UNC13C: variants seen among roughly 807,000 people sequenced by gnomAD.
The protein encoded by UNC13C is unc-13 homolog C.
UNC13C carries 174 observed loss-of-function variants against 245.4 expected under a neutral mutation model. The observed-to-expected ratio is 0.71, with a 90% confidence interval of 0.63 to 0.80. The LOEUF is 0.80. Ranked by LOEUF, UNC13C falls within the 30% of genes least tolerant of loss-of-function variation. The probability of loss-of-function intolerance (pLI) is 0.00; values close to 1 mark genes in which losing one functional copy is unlikely to be tolerated. For synonymous variants in UNC13C, 992 were observed against 895.1 expected (o/e 1.11, Z -1.93); for missense variants, 2,829 against 2,602.9 (o/e 1.09, Z -1.89).
rs368599329 is a variant in UNC13C, at chr15:54,014,700, C to G, written c.1797C>G (p.Asp599Glu). Reference protein sequence around the residue: ...RKQEGTATLYDSPKDQHLNGG... With the variant: ...RKQEGTATLYESPKDQHLNGG... ...AGGAAGGAACAGCGACCCTGTATGA[C>G]AGTCCCAAGGACCAGCATTTGAATG... The change falls in exon 2 of 33, where the codon GAC becomes GAG. Residue 599 changes from aspartate (D) to glutamate (E), a missense_variant. Coordinates refer to ENST00000260323, the MANE Select transcript of UNC13C (RefSeq NM_001080534.3). 138 of 1,613,678 alleles carry G rather than the reference C, an allele frequency of 8.6e-5. No homozygotes were observed. Among genetic ancestry groups the G allele is most frequent in the Non-Finnish European group, 1.2e-4 (136 of 1,179,864 alleles).
intron 10 of UNC13C, among the ~76,000 whole-genome samples, chr15:54,286,393 A>G (rs2140924996): frequency 6.6e-6 from 1 of 152,306 alleles, no homozygotes; most frequent in African/African-American, 2.4e-5. Flanking sequence ...GATCTAGCCC[A>G]ACTATAAGTG....
intron 17 of UNC13C, among the ~76,000 whole-genome samples, chr15:54,361,716 A>C (rs1157893767): frequency 6.6e-6 from 1 of 152,200 alleles, no homozygotes; most frequent in African/African-American, 2.4e-5. Flanking sequence ...CTAGAACTAA[A>C]ACACTGCACT....
chr15:53,963,990 C>G, the UNC13C span, among the ~76,000 whole-genome samples: 2 of 152,088 alleles, frequency 1.3e-5, no homozygotes, highest in African/African-American at 4.8e-5. Flanking sequence ...TGGGGAAGAA[C>G]ACATATTTTG....
intron 2 of UNC13C, among the ~76,000 whole-genome samples, chr15:54,076,112 T>TATA (rs112819953): frequency 3.1e-5 from 4 of 129,626 alleles, no homozygotes; most frequent in African/African-American, 1.1e-4. Context: ...TATATATATA[T>TATA]TTTTTTTTAT....
Position 54,015,824 on chromosome 15 carries a change from A to C in UNC13C, c.2921A>C (p.Glu974Ala). 1 of 1,610,696 alleles carries C rather than the reference A, an allele frequency of 6.2e-7. No individual in the cohort carries two copies. Among genetic ancestry groups the C allele is most frequent in the Non-Finnish European group, 8.5e-7 (1 of 1,178,370 alleles). Residue 974 changes from glutamate to alanine, a missense_variant, in exon 2 of 33, where the codon GAA becomes GCA. Physicochemically the swap from Glu to Ala is moderately radical, Grantham distance 107. Coordinates refer to ENST00000260323, the MANE Select transcript of UNC13C (RefSeq NM_001080534.3). ...AAGAGAATTCGTCCTTCTTTCAAAG[A>C]AGCAGCTTTAAGGGCCTATAAAAAG... is the stretch of plus-strand genomic sequence containing the variant. ...KPKRIRPSFK[E>A]AALRAYKKQM...
At chr15:54,096,538 T>C (rs543880740) in intron 2 of UNC13C, among the ~76,000 whole-genome samples, 4 of 152,334 alleles carry the variant, frequency 2.6e-5, no homozygotes, top group East Asian at 1.9e-4. Context: ...TTCTTCAATA[T>C]GGATTATGCC....
intron 1 of UNC13C, among the ~76,000 whole-genome samples, chr15:53,996,771 A>G (rs182659673): frequency 2.6e-4 from 40 of 151,120 alleles, no homozygotes; most frequent in Non-Finnish European, 4.4e-5. Context: ...TATGAATGTC[A>G]CATGCAGTAG....
intron 4 of UNC13C, among the ~76,000 whole-genome samples, chr15:54,165,566 A>G (rs1436756419): frequency 6.6e-6 from 1 of 152,170 alleles, no homozygotes; most frequent in Admixed American, 6.5e-5. Context: ...TAGTTCTTAC[A>G]TCAACAAATA....
At chr15:54,379,937 A>G (rs537322879) in intron 17 of UNC13C, among the ~76,000 whole-genome samples, 13 of 152,290 alleles carry the variant, frequency 8.5e-5, no homozygotes, top group African/African-American at 2.2e-4. Flanking sequence ...AAATGACTCA[A>G]TCTAGCTAAT....
chr15:54,169,614 C>T (rs992085753), intron 4 of UNC13C, among the ~76,000 whole-genome samples: 1 of 152,174 alleles, frequency 6.6e-6, no homozygotes, highest in South Asian at 2.1e-4. Context: ...CTCTTTCCTT[C>T]CTTTGCTGCA....
At chr15:53,915,144 CA>C in the UNC13C span, among the ~76,000 whole-genome samples, 3 of 152,160 alleles carry the variant, frequency 2.0e-5, no homozygotes, top group Non-Finnish European at 4.4e-5. Flanking sequence ...CCTGCTTTGG[CA>C]AAACTGCCAC....
chr15:54,027,349 A>G (rs1896155081), intron 2 of UNC13C, among the ~76,000 whole-genome samples: 3 of 152,094 alleles, frequency 2.0e-5, no homozygotes. Context: ...ATGTCAAACA[A>G]GATATCCTGT....
intron 2 of UNC13C, chr15:54,048,634 T>C (rs1282191869): frequency 5.5e-6 from 2 of 364,362 alleles, no homozygotes; most frequent in Non-Finnish European, 1.1e-5. Context: ...ATATTTTGAT[T>C]AGCAACTGCC....
chr15:54,544,096 C>T (rs905408923), intron 26 of UNC13C, among the ~76,000 whole-genome samples: 1 of 152,150 alleles, frequency 6.6e-6, no homozygotes, highest in Non-Finnish European at 1.5e-5. Flanking sequence ...GCTTATCTAC[C>T]ATGATCAAAT....
intron 4 of UNC13C, among the ~76,000 whole-genome samples, chr15:54,225,267 C>T (rs1004456855): frequency 2.6e-5 from 4 of 151,626 alleles, no homozygotes; most frequent in East Asian, 1.9e-4. Flanking sequence ...TTGTTCTTTT[C>T]GCTTAGGATA....
At chr15:54,496,932 A>G (rs941819438) in intron 20 of UNC13C, among the ~76,000 whole-genome samples, 15 of 152,152 alleles carry the variant, frequency 9.9e-5, no homozygotes, top group African/African-American at 3.6e-4. Flanking sequence ...TTATTCATGT[A>G]ACCAAACACC....
At chr15:53,919,964 GTTTT>G in the UNC13C span, among the ~76,000 whole-genome samples, 1 of 147,972 alleles carries the variant, frequency 6.8e-6, no homozygotes, top group African/African-American at 2.5e-5. Flanking sequence ...TCCTATCCAT[GTTTT>G]TTTTTTCCAA....
chr15:54,015,607 A>G lies in UNC13C; in HGVS notation c.2704A>G (p.Met902Val). The G allele has an allele frequency of 1.2e-6, 2 of 1,613,830 alleles. No individual in the cohort carries two copies. Among genetic ancestry groups the G allele is most frequent in the South Asian group, 1.1e-5 (1 of 91,078 alleles). Residue 902 changes from methionine to valine, a missense_variant, in exon 2 of 33, where the codon ATG (methionine) becomes GTG (valine). By Grantham distance (21) the Met-to-Val change is conservative. Coordinates refer to ENST00000260323, the MANE Select transcript of UNC13C (RefSeq NM_001080534.3). ...RTSITETDEQ[M>V]QAYDHLSYET... ...TAGTATTACTGAAACAGATGAACAA[A>G]TGCAAGCATATGATCACCTTTCATA...
intron 2 of UNC13C, among the ~76,000 whole-genome samples, chr15:54,114,646 G>A (rs1356144219): frequency 1.3e-5 from 2 of 152,090 alleles, no homozygotes; most frequent in African/African-American, 4.8e-5. Flanking sequence ...AAATAATGCA[G>A]TAAACATATT....
Sources: allele counts gnomAD v4.1 joint callset (sites outside exome capture counted in the v4.1 genomes callset), GRCh38; gene constraint gnomAD v4.1.1; transcripts MANE v1.5; gene names NCBI Gene and HGNC (gene_info 2026-07-23, HGNC 2026-07-21).